CDH18: variants seen among roughly 807,000 people sequenced by gnomAD.
The protein encoded by CDH18 is cadherin 18.
A neutral mutation model predicts 67.9 loss-of-function variants in CDH18; 31 were observed. The ratio of observed to expected loss-of-function variants is 0.46; its 90% CI spans 0.34 to 0.62. The LOEUF is 0.62. Among genes scored for constraint, CDH18 ranks in the 20% least tolerant of loss-of-function variants. The probability of loss-of-function intolerance (pLI) is 0.01; values close to 1 mark genes in which losing one functional copy is unlikely to be tolerated. For missense variants in CDH18, 890 were observed against 975.5 expected, an observed-to-expected ratio of 0.91 and a Z score of 1.17; for synonymous variants, 362 against 347.2, an observed-to-expected ratio of 1.04 and a Z score of -0.48.
chr5:19,675,207 G>A (rs1759307542), intron 5 of CDH18, among the ~76,000 whole-genome samples: 1 of 152,078 alleles, frequency 6.6e-6, no homozygotes, highest in Non-Finnish European at 1.5e-5. Context: ...GGCAAATGGA[G>A]GCAGGGCAAG....
At chr5:20,290,447 C>T (rs1343200554) in intron 1 of CDH18, among the ~76,000 whole-genome samples, 1 of 152,060 alleles carries the variant, frequency 6.6e-6, no homozygotes, top group African/African-American at 2.4e-5. Context: ...ATTTAAATGC[C>T]TGATGTAGTC....
chr5:20,290,360 T>C (rs1747013177), intron 1 of CDH18, among the ~76,000 whole-genome samples: 2 of 152,124 alleles, frequency 1.3e-5, no homozygotes, highest in African/African-American at 4.8e-5. Flanking sequence ...CTAATGCTTA[T>C]GTACCTGTGC....
chr5:19,994,217 A>G (rs1800139933), intron 2 of CDH18, among the ~76,000 whole-genome samples: 1 of 151,886 alleles, frequency 6.6e-6, no homozygotes, highest in African/African-American at 2.4e-5. Flanking sequence ...ATATGTGTGT[A>G]TATGTGCATA....
At chr5:19,706,138 C>G (rs1763928722) in intron 5 of CDH18, among the ~76,000 whole-genome samples, 1 of 152,162 alleles carries the variant, frequency 6.6e-6, no homozygotes, top group Non-Finnish European at 1.5e-5. Context: ...TCATTCCACA[C>G]AATTAACTGA....
chr5:19,659,376 A>C (rs1377355791), intron 5 of CDH18, among the ~76,000 whole-genome samples: 2 of 152,170 alleles, frequency 1.3e-5, no homozygotes, highest in African/African-American at 4.8e-5. Flanking sequence ...CTATCAAAAT[A>C]GTTAAATTAC....
intron 1 of CDH18, among the ~76,000 whole-genome samples, chr5:20,417,329 C>A (rs2150153041): frequency 6.6e-6 from 1 of 152,166 alleles, no homozygotes; most frequent in Non-Finnish European, 1.5e-5. Context: ...ATTTATTTCC[C>A]TGGAATTCTT....
At chr5:20,316,000 T>G (rs1203599014) in intron 1 of CDH18, among the ~76,000 whole-genome samples, 1 of 152,054 alleles carries the variant, frequency 6.6e-6, no homozygotes, top group Non-Finnish European at 1.5e-5. Flanking sequence ...ATGACTAAAC[T>G]CTAGACAAGC....
chr5:19,479,485 A>T (rs1479604703), intron 12 of CDH18, among the ~76,000 whole-genome samples: 1 of 152,196 alleles, frequency 6.6e-6, no homozygotes, highest in Non-Finnish European at 1.5e-5. Context: ...TAACAATAAA[A>T]ACGAATCAAT....
intron 2 of CDH18, among the ~76,000 whole-genome samples, chr5:19,934,233 G>T (rs960535207): frequency 6.6e-6 from 1 of 151,338 alleles, no homozygotes; most frequent in African/African-American, 2.4e-5. Flanking sequence ...AAGAATAAAT[G>T]AATTATTTTA....
chr5:20,380,076 C>T (rs1274811037), intron 1 of CDH18, among the ~76,000 whole-genome samples: 1 of 152,052 alleles, frequency 6.6e-6, no homozygotes, highest in Admixed American at 6.6e-5. Flanking sequence ...AAGTGGATAT[C>T]TTTGCAAAAT....
chr5:20,374,342 T>C (rs1402414683), intron 1 of CDH18, among the ~76,000 whole-genome samples: 1 of 152,018 alleles, frequency 6.6e-6, no homozygotes, highest in Admixed American at 6.6e-5. Context: ...GAAAAGGAGG[T>C]AAAAATGTAT....
At chr5:20,223,595 C>T (rs1383867506) in intron 2 of CDH18, among the ~76,000 whole-genome samples, 18 of 152,052 alleles carry the variant, frequency 1.2e-4, no homozygotes, top group Admixed American at 1.1e-3. Flanking sequence ...GCTGTGTTCC[C>T]ACCCAAAACT....
In CDH18 at chr5:19,909,833, A is replaced by G. The variant is rs539164398; in HGVS notation, c.-256-70591T>C. ...TTTGGTAACAGATTCAGTAAGCCAA[A>G]TAAAATCAGTATGGTGTGATGATTA... On this transcript the variant is annotated intron_variant, in intron 2 of 12. Transcript: ENST00000382275. 2.6e-5 allele frequency among the ~76,000 whole-genome samples: 4 copies of G among 152,206 alleles called. No individual in the cohort carries two copies. In the South Asian group the frequency reaches 8.3e-4, roughly 31 times the overall value.
chr5:19,669,105 CTT>C (rs1491287341), intron 5 of CDH18, among the ~76,000 whole-genome samples: 1 of 146,426 alleles, frequency 6.8e-6, no homozygotes, highest in Non-Finnish European at 1.5e-5. Flanking sequence ...TACAATCTCA[CTT>C]ATATATATAA....
intron 1 of CDH18, among the ~76,000 whole-genome samples, chr5:20,446,474 A>T (rs2150199544): frequency 6.6e-6 from 1 of 152,312 alleles, no homozygotes; most frequent in East Asian, 1.9e-4. Context: ...GCTTGAAAAA[A>T]GTTTGCTCAA....
chr5:20,087,720 C>T (rs1402971645), intron 2 of CDH18, among the ~76,000 whole-genome samples: 1 of 152,180 alleles, frequency 6.6e-6, no homozygotes, highest in Non-Finnish European at 1.5e-5. Context: ...CTATTTTGCA[C>T]TTAATACATT....
intron 5 of CDH18, among the ~76,000 whole-genome samples, chr5:19,622,088 A>T (rs531714640): frequency 6.6e-6 from 1 of 152,120 alleles, no homozygotes; most frequent in African/African-American, 2.4e-5. Flanking sequence ...CTGTTGGCCA[A>T]CAGACCCTCA....
At chr5:20,196,297 A>G (rs1260227587) in intron 2 of CDH18, among the ~76,000 whole-genome samples, 1 of 152,146 alleles carries the variant, frequency 6.6e-6, no homozygotes, top group Non-Finnish European at 1.5e-5. Context: ...TTAAATATAT[A>G]TACTTTTAAA....
intron 2 of CDH18, among the ~76,000 whole-genome samples, chr5:19,963,875 C>T (rs765746905): frequency 3.3e-5 from 5 of 151,882 alleles, no homozygotes; most frequent in African/African-American, 4.8e-5. Flanking sequence ...CACAAGGTGG[C>T]CAGATCAAAA....
Sources: gnomAD v4.1 joint callset for allele counts (sites outside exome capture counted in the v4.1 genomes callset) on GRCh38, gnomAD v4.1.1 for gene constraint, MANE v1.5 for transcripts, NCBI Gene and HGNC (gene_info 2026-07-23, HGNC 2026-07-21) for gene names.